Variants in RP1 observed in about 807,000 individuals in gnomAD.
The protein encoded by RP1 is RP1 axonemal microtubule associated.
A neutral mutation model predicts 14.8 loss-of-function variants in RP1; 16 were observed. The ratio of observed to expected loss-of-function variants is 1.08; its 90% CI spans 0.73 to 1.65. The LOEUF is 1.65. Among genes scored for constraint, RP1 ranks in the 40% most tolerant of loss-of-function variants. The pLI, the probability that RP1 is intolerant of heterozygous loss-of-function variation, is 0.00. For synonymous variants in RP1, 876 were observed against 883.6 expected (o/e 0.99, Z 0.15); for missense variants, 2,631 against 2,535.0 (o/e 1.04, Z -0.81).
At chr8:54,705,917 C>T (rs1808140189) in intron 14 of RP1, among the ~76,000 whole-genome samples, 1 of 148,450 alleles carries the variant, frequency 6.7e-6, no homozygotes, top group South Asian at 2.1e-4. Context: ...TATCTATTAT[C>T]AGTTTTACTG....
intron 13 of RP1, among the ~76,000 whole-genome samples, chr8:54,700,900 C>T (rs775198881): frequency 1.3e-5 from 2 of 152,144 alleles, no homozygotes; most frequent in Non-Finnish European, 2.9e-5. Context: ...CCCTGCCATA[C>T]TTGGGCAATA....
intron 12 of RP1, chr8:54,697,137 C>T (rs992532882): frequency 5.0e-5 from 54 of 1,089,506 alleles, no homozygotes; most frequent in Non-Finnish European, 6.3e-5. Context: ...ACCTAGGTGC[C>T]GAACAGCACT....
chr8:54,776,590 A>C (rs933656791), intron 23 of RP1, among the ~76,000 whole-genome samples: 2 of 152,212 alleles, frequency 1.3e-5, no homozygotes, highest in Non-Finnish European at 2.9e-5. Flanking sequence ...TAGTCAAAGG[A>C]AGGCAAGTCA....
intron 1 of RP1, among the ~76,000 whole-genome samples, chr8:54,585,349 T>C (rs1804895568): frequency 6.6e-6 from 1 of 152,232 alleles, no homozygotes; most frequent in South Asian, 2.1e-4. Context: ...GCTTGTAGAG[T>C]TTCTGCTGAG....
chr8:54,744,928 G>C (rs1243452034), intron 19 of RP1, among the ~76,000 whole-genome samples: 1 of 152,194 alleles, frequency 6.6e-6, no homozygotes, highest in Admixed American at 6.5e-5. Flanking sequence ...ATTTCAGTGT[G>C]TCAGGGTGGG....
chr8:54,588,101 T>A (rs763092717), intron 1 of RP1, among the ~76,000 whole-genome samples: 2 of 152,240 alleles, frequency 1.3e-5, no homozygotes, highest in African/African-American at 2.4e-5. Flanking sequence ...GGTCAACTTG[T>A]GACTTTATGC....
At chr8:54,644,540 C>T (rs1224864083) in intron 3 of RP1, among the ~76,000 whole-genome samples, 2 of 152,194 alleles carry the variant, frequency 1.3e-5, no homozygotes, top group Non-Finnish European at 2.9e-5. Flanking sequence ...CTATTTATGG[C>T]TTCTGCTGAG....
intron 25 of RP1, chr8:54,837,791 G>A: frequency 2.0e-6 from 1 of 498,572 alleles, no homozygotes; most frequent in Non-Finnish European, 3.1e-6. Flanking sequence ...CACTTCGTGG[G>A]CTATAAAGTC....
At chr8:54,824,925 A>G (rs935334238) in intron 24 of RP1, among the ~76,000 whole-genome samples, 1 of 151,850 alleles carries the variant, frequency 6.6e-6, no homozygotes, top group Non-Finnish European at 1.5e-5. Context: ...AAGAGCATCT[A>G]CAAATACTCA....
At chr8:54,839,465 C>A (rs908036859) in intron 25 of RP1, among the ~76,000 whole-genome samples, 2 of 152,208 alleles carry the variant, frequency 1.3e-5, no homozygotes, top group Admixed American at 6.5e-5. Context: ...GGGTCCTGTT[C>A]TTTAGAAGTC....
At chr8:54,790,002 G>A (rs1017105629) in intron 24 of RP1, among the ~76,000 whole-genome samples, 3 of 152,166 alleles carry the variant, frequency 2.0e-5, no homozygotes, top group East Asian at 1.9e-4. Context: ...CTCTGACTAG[G>A]AGTGATTGTG....
At chr8:54,712,328 C>T (rs921768287) in intron 15 of RP1, among the ~76,000 whole-genome samples, 2 of 152,142 alleles carry the variant, frequency 1.3e-5, no homozygotes, top group South Asian at 4.1e-4. Context: ...GCTTAAAATA[C>T]TCACTGTGCC....
intron 12 of RP1, among the ~76,000 whole-genome samples, chr8:54,694,926 G>A (rs1424625349): frequency 6.6e-6 from 1 of 151,680 alleles, no homozygotes; most frequent in Admixed American, 6.6e-5. Context: ...TGTCAATTTT[G>A]GATCTTTCCT....
chr8:54,579,026 C>G (rs1180624875), intron 1 of RP1, among the ~76,000 whole-genome samples: 2 of 152,224 alleles, frequency 1.3e-5, no homozygotes. Flanking sequence ...CCTTCCAACT[C>G]TCTTAGTTCC....
intron 24 of RP1, among the ~76,000 whole-genome samples, chr8:54,804,879 G>A (rs570487421): frequency 2.0e-5 from 3 of 152,246 alleles, no homozygotes; most frequent in East Asian, 3.9e-4. Context: ...AATAAATAAG[G>A]TAGCTCTTTT....
chr8:54,689,032 C>G (rs574905991), intron 12 of RP1, among the ~76,000 whole-genome samples: 128 of 152,190 alleles, frequency 8.4e-4, no homozygotes, highest in African/African-American at 3.0e-3. Context: ...CTTGACATCC[C>G]TTGTAAGTTG....
chr8:54,743,473 T>C (rs1234766717), intron 19 of RP1, among the ~76,000 whole-genome samples: 4 of 152,200 alleles, frequency 2.6e-5, no homozygotes, highest in Non-Finnish European at 5.9e-5. Context: ...TACTACAAGG[T>C]AGAACTTTTT....
At chr8:54,763,445 T>G (rs896921429) in intron 22 of RP1, among the ~76,000 whole-genome samples, 1 of 152,290 alleles carries the variant, frequency 6.6e-6, no homozygotes, top group Non-Finnish European at 1.5e-5. Context: ...GGAGAATTTT[T>G]AAATGCAGAA....
chr8:54,775,866 T>A (rs2129377402), intron 23 of RP1, among the ~76,000 whole-genome samples: 1 of 152,310 alleles, frequency 6.6e-6, no homozygotes, highest in African/African-American at 2.4e-5. Context: ...CAGCACACAG[T>A]AATGTGGGTC....
Sources: gnomAD v4.1 joint callset for allele counts (sites outside exome capture counted in the v4.1 genomes callset) on GRCh38, gnomAD v4.1.1 for gene constraint, MANE v1.5 for transcripts, NCBI Gene and HGNC (gene_info 2026-07-23, HGNC 2026-07-21) for gene names.